Variants in SLC25A6 observed in about 807,000 individuals in gnomAD.
SLC25A6 encodes the protein solute carrier family 25 member 6.
Under a neutral mutation model 25.7 loss-of-function variants are expected in SLC25A6, and 9 were observed. The observed-to-expected ratio is 0.35, with a 90% CI of 0.21 to 0.61. The LOEUF (loss-of-function observed/expected upper bound fraction) is 0.61, where lower values mean the gene tolerates loss of function less well. SLC25A6 is among the 20% of genes least tolerant of loss of function. The probability of loss-of-function intolerance (pLI) is 0.76; values close to 1 mark genes in which losing one functional copy is unlikely to be tolerated. For missense variants in SLC25A6, 404 were observed against 440.5 expected, an observed-to-expected ratio of 0.92 and a Z score of 0.74; for synonymous variants, 223 against 197.0, an observed-to-expected ratio of 1.13 and a Z score of -1.11.
At position 1,389,422 on chromosome X, in the gene SLC25A6, G is replaced by A. The variant is rs1446404486; in HGVS notation, c.417C>T (p.Thr139=). The A allele has an allele frequency of 1.2e-5, 20 of 1,613,734 alleles. No individual in the cohort carries two copies. The highest frequency in any genetic ancestry group is 1.7e-5 in the Non-Finnish European group (20 of 1,179,892). ...ACTTTCCCACGTCCGCTGCCAGGCG[G>A]GTTCTGGCGAAATCCAGCGGGTACA... is the stretch of plus-strand genomic sequence containing the variant. ...CFVYPLDFAR[T]RLAADVGKSG... Residue 139 remains threonine (T), a synonymous_variant, in exon 2 of 4, where the codon ACC becomes ACT. Transcript: ENST00000381401.
At position 1,389,640 on chromosome X, in the gene SLC25A6, C is replaced by T. The variant is rs1135434; in HGVS notation, c.199G>A (p.Val67Met). ...CIVRIPKEQG[V>M]LSFWRGNLAN... ...AGGTTGCCCCTCCAGAAGGACAGCA[C>T]GCCCTGCTCCTTGGGGATGCGGACA... Residue 67 changes from valine to methionine, a missense_variant, in exon 2 of 4, where the codon GTG becomes ATG. Val to Met is a conservative substitution (Grantham distance 21). Coordinates refer to ENST00000381401, the MANE Select transcript of SLC25A6 (RefSeq NM_001636.4). 1.4e-5 allele frequency: 23 copies of T among 1,613,984 alleles called. No homozygotes were observed. The highest frequency in any genetic ancestry group is 2.2e-5 in the East Asian group (1 of 44,896).
Position 1,386,475 on chromosome X carries a change from G to C in SLC25A6, c.*127C>G, listed in dbSNP as rs1446014267. 9 of 1,245,792 alleles carry C rather than the reference G, an allele frequency of 7.2e-6. No individual in the cohort carries two copies. In the African/African-American group the frequency reaches 1.4e-4, roughly 19 times the overall value. The allele number at this position is 1,245,792 out of a possible 1,614,324, so 77.2% of individuals were successfully genotyped here. The stretch of plus-strand genomic sequence containing the variant: ...CTAGAGCCTTCCCCGGCCATCTACA[G>C]GCAGGATGCGGCTGGGAAAAAGACA... On this transcript the variant is annotated 3_prime_UTR_variant, in exon 4 of 4. Transcript: ENST00000381401.
rs1360057739 is a variant in SLC25A6, at chrX:1,389,384, C to T, written c.455G>A (p.Arg152His). The stretch of plus-strand genomic sequence containing the variant: ...GCAGTCTCCCAGGCCTCGGAACTCG[C>T]GCTCTGTGCCTGACTTTCCCACGTC... Reference protein sequence around the residue: ...AADVGKSGTEREFRGLGDCLV... With the variant: ...AADVGKSGTEHEFRGLGDCLV... Residue 152 changes from arginine to histidine, a missense_variant, in exon 2 of 4, where the codon CGC becomes CAC. Arg to His is a conservative substitution (Grantham distance 29, BLOSUM62 0). Transcript: ENST00000381401. 8 of 1,613,648 alleles carry T rather than the reference C, an allele frequency of 5.0e-6. No individual in the cohort carries two copies. The highest frequency in any genetic ancestry group is 3.3e-5 in the Admixed American group (2 of 60,000).
At position 1,388,868 on chromosome X, in the gene SLC25A6, T is replaced by C. The variant is rs1387182179; in HGVS notation, c.598+373A>G. Among the ~76,000 whole-genome samples, 3 of 149,708 alleles carry C rather than the reference T, an allele frequency of 2.0e-5. No homozygotes were observed. In the Admixed American group the frequency reaches 2.0e-4, roughly 10 times the overall value. On this transcript the variant is annotated intron_variant, in intron 2 of 3. Transcript: ENST00000381401. ...GTGAGGGCACAGGGAGAAGACGGCA[T>C]CTACAAGCCTAGGAGAGAGGCCGCA...
Position 1,389,298 on chromosome X carries a change from C to T in SLC25A6, c.541G>A (p.Val181Met), listed in dbSNP as rs1334275543. 1.9e-6 allele frequency: 3 copies of T among 1,613,786 alleles called. No homozygotes were observed. Among genetic ancestry groups the T allele is most frequent in the Non-Finnish European group, 2.5e-6 (3 of 1,179,884 alleles). Residue 181 changes from valine to methionine, a missense_variant, in exon 2 of 4, where the codon GTG (valine) becomes ATG (methionine). Physicochemically the swap from Val to Met is conservative, Grantham distance 21. Coordinates refer to ENST00000381401, the MANE Select transcript of SLC25A6 (RefSeq NM_001636.4). ...GCCCGGTAGATGATGATGCCCTGCA[C>T]GGAGACACTGAAGCCCTGGTACAGG... Reference protein sequence around the residue: ...RGLYQGFSVSVQGIIIYRAAY... With the variant: ...RGLYQGFSVSMQGIIIYRAAY...
At chrX:1,386,854 C>A in intron 3 of SLC25A6, 95 bp from the exon 4 acceptor site, 2 of 1,398,124 alleles carry the variant, frequency 1.4e-6, no homozygotes, top group Non-Finnish European at 2.0e-6. Flanking sequence ...AGAAATAACA[C>A]CCCAGACGCC....
intron 2 of SLC25A6, 64 bp from the exon 3 acceptor site, chrX:1,387,483 C>T (rs1374692329): frequency 1.3e-6 from 2 of 1,593,688 alleles, no homozygotes; most frequent in African/African-American, 2.7e-5. Flanking sequence ...CAGGGTCGGC[C>T]CCCAGGGTGT....
intron 2 of SLC25A6, among the ~76,000 whole-genome samples, chrX:1,387,639 C>T (rs1298916593): frequency 4.6e-5 from 7 of 152,190 alleles, no homozygotes; most frequent in Non-Finnish European, 1.0e-4. Flanking sequence ...CTACCGGAGC[C>T]CAGCAAGACA....
At chrX:1,386,874 G>C (rs1387962956) in intron 3 of SLC25A6, 115 bp from the exon 4 acceptor site, 1 of 1,273,204 alleles carries the variant, frequency 7.9e-7, no homozygotes, top group Non-Finnish European at 1.1e-6. Flanking sequence ...CTGAGCCACA[G>C]TTCTGATTAC....
intron 2 of SLC25A6, 123 bp from the exon 3 acceptor site, chrX:1,387,542 C>A: frequency 2.2e-6 from 3 of 1,383,410 alleles, no homozygotes; most frequent in Non-Finnish European, 2.9e-6. Flanking sequence ...ACCACCAGTG[C>A]CCCCTCCACG....
intron 1 of SLC25A6, 67 bp from the exon 2 acceptor site, chrX:1,389,794 G>A: frequency 6.4e-7 from 1 of 1,572,458 alleles, no homozygotes; most frequent in Non-Finnish European, 8.6e-7. Flanking sequence ...CCAGCTACAG[G>A]GTGCATCCTT....
chrX:1,387,327 A>G lies in SLC25A6; in HGVS notation c.691T>C (p.Phe231Leu), dbSNP rs1180452977. 1 of 1,613,310 alleles carries G rather than the reference A, an allele frequency of 6.2e-7. No individual in the cohort carries two copies. Among genetic ancestry groups the G allele is most frequent in the Non-Finnish European group, 8.5e-7 (1 of 1,179,770 alleles). Reference sequence around the variant, plus strand: ...ATCATGCGCCGCCGCACCGTGTCGAAGGGGTAGGACACCACGCCGGCCACG... The same window carrying G: ...ATCATGCGCCGCCGCACCGTGTCGAGGGGGTAGGACACCACGCCGGCCACG... ...TAVAGVVSYP[F>L]DTVRRRMMMQ... The change falls in exon 3 of 4, where the codon TTC becomes CTC. Residue 231 changes from phenylalanine to leucine, a missense_variant. By Grantham distance (22) the Phe-to-Leu change is conservative. Transcript: ENST00000381401.
In SLC25A6 at chrX:1,386,861, C is replaced by T. The variant is rs763803367; in HGVS notation, c.740-102G>A. 1.5e-4 allele frequency: 208 copies of T among 1,363,736 alleles called. 1 individual carries two copies. Among genetic ancestry groups the T allele is most frequent in the South Asian group, 1.9e-4 (14 of 73,054 alleles). 84.5% of individuals were successfully genotyped at this position (1,363,736 alleles called of 1,614,324 possible). On this transcript the variant is annotated intron_variant, in intron 3 of 3. Transcript: ENST00000381401. ...CGTTTCACAGAAATAACACCCCAGACGCCTGAGCCACAGTTCTGATTACAG... is the reference window on the plus strand; with the variant it reads ...CGTTTCACAGAAATAACACCCCAGATGCCTGAGCCACAGTTCTGATTACAG...
intron 2 of SLC25A6, among the ~76,000 whole-genome samples, 166 bp downstream of exon 2, chrX:1,389,075 C>T (rs1365671860): frequency 6.6e-6 from 1 of 151,896 alleles, no homozygotes; most frequent in Admixed American, 6.6e-5. Context: ...AGGGATGATG[C>T]TGTGAGGGCA....
rs758276479 is a variant in SLC25A6, at chrX:1,391,884, C to G, written c.111+15G>C. ...CGTCCCCTAGTCCCCGGAGCGGCCG[C>G]GCCCGCGTCCCCACCTGCAGCAGCA... On this transcript the variant is annotated intron_variant, in intron 1 of 3. Coordinates refer to ENST00000381401, the MANE Select transcript of SLC25A6 (RefSeq NM_001636.4). The G allele has an allele frequency of 1.3e-6, 2 of 1,576,036 alleles. No individual in the cohort carries two copies. Among genetic ancestry groups the G allele is most frequent in the Admixed American group, 3.7e-5 (2 of 54,534 alleles).
At chrX:1,390,687 C>A (rs1323109132) in intron 1 of SLC25A6, among the ~76,000 whole-genome samples, 1 of 151,124 alleles carries the variant, frequency 6.6e-6, no homozygotes, top group African/African-American at 2.4e-5. Context: ...CCCCGCCCTG[C>A]TAAGTTTAAA....
At position 1,386,274 on chromosome X, in the gene SLC25A6, T is replaced by C. The variant is rs770868737; in HGVS notation, c.*328A>G. On this transcript the variant is annotated 3_prime_UTR_variant, in exon 4 of 4. Coordinates refer to ENST00000381401, the MANE Select transcript of SLC25A6 (RefSeq NM_001636.4). ...GTACAAATGGGAAAACGTGATTCTT[T>C]TGTTTTAAATAAATACTTAGAACAC... The C allele has an allele frequency of 4.8e-5, 15 of 313,404 alleles. No homozygotes were observed. Among genetic ancestry groups the C allele is most frequent in the African/African-American group, 3.0e-4 (14 of 46,982 alleles). The allele number at this position is 313,404 out of a possible 1,614,324, so 19.4% of individuals were successfully genotyped here.
chrX:1,388,766 A>C (rs2089361068), intron 2 of SLC25A6, among the ~76,000 whole-genome samples: 1 of 151,352 alleles, frequency 6.6e-6, no homozygotes, highest in African/African-American at 2.4e-5. Context: ...GTATTCTGTG[A>C]TAGCAGCCTG....
chrX:1,387,033 G>C (rs1380838268), intron 3 of SLC25A6, among the ~76,000 whole-genome samples: 2 of 152,076 alleles, frequency 1.3e-5, no homozygotes, highest in African/African-American at 4.8e-5. Flanking sequence ...CGAGGGTGTG[G>C]GTGCAACCAG....
Sources: allele counts gnomAD v4.1 joint callset (sites outside exome capture counted in the v4.1 genomes callset), GRCh38; gene constraint gnomAD v4.1.1; transcripts MANE v1.5; gene names NCBI Gene and HGNC (gene_info 2026-07-23, HGNC 2026-07-21).